PPP1R3A: variants seen among roughly 807,000 people sequenced by gnomAD.
The protein encoded by PPP1R3A is RG1.
In PPP1R3A, 29 loss-of-function variants were observed where a neutral mutation model predicts 41.7. The ratio of observed to expected loss-of-function variants is 0.70; its 90% confidence interval spans 0.52 to 0.95. The LOEUF (loss-of-function observed/expected upper bound fraction) is 0.95. Ranked by LOEUF, PPP1R3A falls within the 40% of genes least tolerant of loss-of-function variation. The pLI is 0.00. For missense variants in PPP1R3A, 1,352 were observed against 1,292.4 expected (o/e 1.05, Z -0.71); for synonymous variants, 485 against 453.4 (o/e 1.07, Z -0.89).
chr7:113,880,195 G>T, intron 3 of PPP1R3A, 70 bp from the exon 4 acceptor site: 3 of 1,345,358 alleles, frequency 2.2e-6, no homozygotes, highest in Non-Finnish European at 2.1e-6. Context: ...AATTAGATAG[G>T]TTTTATTAAC....
At chr7:113,913,751 T>C (rs1273430177) in intron 1 of PPP1R3A, among the ~76,000 whole-genome samples, 1 of 152,120 alleles carries the variant, frequency 6.6e-6, no homozygotes, top group East Asian at 1.9e-4. Flanking sequence ...AAGTACACAG[T>C]GTCAGCTCTA....
At chr7:113,916,616 A>G (rs1208997762) in intron 1 of PPP1R3A, among the ~76,000 whole-genome samples, 1 of 152,094 alleles carries the variant, frequency 6.6e-6, no homozygotes, top group Non-Finnish European at 1.5e-5. Context: ...GCTTTTAGAC[A>G]ATAATGCTGC....
In PPP1R3A at chr7:113,878,259, G is replaced by A; in HGVS notation, c.2833C>T (p.Pro945Ser). 6.2e-7 allele frequency: 1 copy of A among 1,613,126 alleles called. No individual in the cohort carries two copies. Among genetic ancestry groups the A allele is most frequent in the Middle Eastern group, 1.7e-4 (1 of 6,058 alleles). The part of the protein sequence containing the change: ...ENAVTTMASQ[P>S]ISTKSENICN... ...ATATTTTCTGATTTCGTAGAAATAG[G>A]TTGGCTAGCCATGGTAGTAACTGCA... is the stretch of plus-strand genomic sequence containing the variant. Residue 945 changes from proline (P) to serine (S), a missense_variant, in exon 4 of 4, where the codon CCT (proline) becomes TCT (serine). Pro to Ser is a moderately conservative substitution (Grantham distance 74). Transcript: ENST00000284601.
intron 1 of PPP1R3A, among the ~76,000 whole-genome samples, chr7:113,914,141 A>G (rs576036076): frequency 6.6e-6 from 1 of 152,264 alleles, no homozygotes; most frequent in Non-Finnish European, 1.5e-5. Context: ...ATTGTGATGA[A>G]GGGCTTTTGA....
At chr7:113,885,923 G>A (rs1445606253) in intron 1 of PPP1R3A, among the ~76,000 whole-genome samples, 1 of 147,602 alleles carries the variant, frequency 6.8e-6, no homozygotes, top group African/African-American at 2.5e-5. Flanking sequence ...AGCTATAACT[G>A]TATAATTTAT....
In PPP1R3A at chr7:113,877,925, A is replaced by G. The variant is rs745569146; in HGVS notation, c.3167T>C (p.Val1056Ala). ...GTTGCCTTGAGCTTGACTTTCCTCA[A>G]CAGGAAGACTAGTAGAAGCAGAGCT... ...SDSSASTSLPVEESQAQGNES... is the reference protein window; with the variant it reads ...SDSSASTSLPAEESQAQGNES... Residue 1056 changes from valine (V) to alanine (A), a missense_variant, in exon 4 of 4, where the codon GTT (valine) becomes GCT (alanine). Transcript: ENST00000284601. 3.1e-6 allele frequency: 5 copies of G among 1,613,400 alleles called. No homozygotes were observed. The Admixed American group carries it at 5.0e-5, about 16-fold the overall frequency.
At chr7:113,882,186 C>T (rs1796704915) in intron 2 of PPP1R3A, 23 bp from the exon 3 acceptor site, 11 of 1,607,546 alleles carry the variant, frequency 6.8e-6, no homozygotes, top group African/African-American at 1.3e-5. Flanking sequence ...TATAATTGTG[C>T]CTATGTAAGA....
Position 113,882,072 on chromosome 7 carries a change from A to G in PPP1R3A, c.933T>C (p.His311=). 5.6e-6 allele frequency: 9 copies of G among 1,612,666 alleles called. No homozygotes were observed. Among genetic ancestry groups the G allele is most frequent in the Non-Finnish European group, 7.6e-6 (9 of 1,179,054 alleles). ...NRNVKDVNRE[H]DEHNEKELEL... Reference sequence around the variant, plus strand: ...CTAATTCTTTTTCATTATGTTCATCATGTTCCCTGTTTACATCTTTTACAT... The same window carrying G: ...CTAATTCTTTTTCATTATGTTCATCGTGTTCCCTGTTTACATCTTTTACAT... The change falls in exon 3 of 4, where the codon CAT becomes CAC. Residue 311 remains histidine (H), a synonymous_variant. Transcript: ENST00000284601.
chr7:113,880,681 C>A (rs1796676182), intron 3 of PPP1R3A, among the ~76,000 whole-genome samples: 1 of 150,618 alleles, frequency 6.6e-6, no homozygotes, highest in Non-Finnish European at 1.5e-5. Context: ...TTCAGTGATG[C>A]CAACTGTCAG....
chr7:113,916,837 T>C (rs75696737), intron 1 of PPP1R3A, among the ~76,000 whole-genome samples: 2,207 of 152,182 alleles, frequency 0.015, 50 homozygotes, highest in African/African-American at 0.05. Context: ...TTTTAGCCTA[T>C]GTAGAGATTA....
intron 1 of PPP1R3A, among the ~76,000 whole-genome samples, chr7:113,909,836 A>G (rs1797213212): frequency 6.6e-6 from 1 of 152,136 alleles, no homozygotes; most frequent in Non-Finnish European, 1.5e-5. Context: ...GTAAGTGGCT[A>G]CATTAAAGTC....
At chr7:113,906,393 T>C (rs1797147172) in intron 1 of PPP1R3A, among the ~76,000 whole-genome samples, 2 of 151,896 alleles carry the variant, frequency 1.3e-5, no homozygotes. Flanking sequence ...TAATATAATA[T>C]GGATGTAGAA....
chr7:113,889,872 C>G (rs1796848489), intron 1 of PPP1R3A, among the ~76,000 whole-genome samples: 1 of 152,118 alleles, frequency 6.6e-6, no homozygotes, highest in African/African-American at 2.4e-5. Flanking sequence ...AGTCCCTGCT[C>G]TCACAAGCTA....
rs535704203 is a variant in PPP1R3A at position 113,909,496 on chromosome 7, A to G, written c.782+8719T>C. On this transcript the variant is annotated intron_variant, in intron 1 of 3. Transcript: ENST00000284601. The stretch of plus-strand genomic sequence containing the variant: ...AGGGCTTGGAGAGTGCCTTAGTTAA[A>G]CTCCTGTTGACCAATTGGGCTATTC... 5.9e-5 allele frequency among the ~76,000 whole-genome samples: 9 copies of G among 151,338 alleles called. No individual in the cohort carries two copies. The South Asian group carries it at 1.9e-3, about 31-fold the overall frequency.
At chr7:113,904,586 T>G (rs893761036) in intron 1 of PPP1R3A, among the ~76,000 whole-genome samples, 3 of 151,554 alleles carry the variant, frequency 2.0e-5, no homozygotes, top group Admixed American at 6.6e-5. Flanking sequence ...TTCTAACAAA[T>G]GTTACAGACC....
At chr7:113,914,634 A>G (rs1398054483) in intron 1 of PPP1R3A, among the ~76,000 whole-genome samples, 2 of 152,130 alleles carry the variant, frequency 1.3e-5, no homozygotes, top group Non-Finnish European at 2.9e-5. Flanking sequence ...TTTCAGATAC[A>G]CCTAAAGCTG....
At chr7:113,891,195 C>T (rs1796881491) in intron 1 of PPP1R3A, among the ~76,000 whole-genome samples, 1 of 148,068 alleles carries the variant, frequency 6.8e-6, no homozygotes, top group Non-Finnish European at 1.5e-5. Context: ...AGTCAAGATA[C>T]TTAATCAACC....
chr7:113,915,246 A>T (rs1048410738), intron 1 of PPP1R3A, among the ~76,000 whole-genome samples: 1 of 152,032 alleles, frequency 6.6e-6, no homozygotes, highest in African/African-American at 2.4e-5. Context: ...CATGAGAAAA[A>T]TCTCCATAGA....
chr7:113,899,410 C>G (rs937705221), intron 1 of PPP1R3A, among the ~76,000 whole-genome samples: 1 of 151,734 alleles, frequency 6.6e-6, no homozygotes, highest in African/African-American at 2.4e-5. Flanking sequence ...ACTGAGGGAG[C>G]AAAGTATCTT....
Sources: allele counts gnomAD v4.1 joint callset (sites outside exome capture counted in the v4.1 genomes callset), GRCh38; gene constraint gnomAD v4.1.1; transcripts MANE v1.5; gene names NCBI Gene and HGNC (gene_info 2026-07-23, HGNC 2026-07-21).